SAMTOR: variants seen among roughly 807,000 people sequenced by gnomAD.
SAMTOR encodes S-adenosylmethionine sensor upstream of mTORC1, also known as UPF0532 protein C7orf60.
chr7:112,907,217 T>C, the SAMTOR span, among the ~76,000 whole-genome samples: 1 of 152,124 alleles, frequency 6.6e-6, no homozygotes, highest in Non-Finnish European at 1.5e-5. Flanking sequence ...ATCATGTAAG[T>C]GTCATATCAA....
chr7:112,907,684 ACTC>A, the SAMTOR span, among the ~76,000 whole-genome samples: 1 of 151,980 alleles, frequency 6.6e-6, no homozygotes, highest in Middle Eastern at 3.4e-3. Flanking sequence ...AAGGCAAATG[ACTC>A]CTAAATATAT....
the SAMTOR span, among the ~76,000 whole-genome samples, chr7:112,835,015 ATTC>A: frequency 1.3e-5 from 2 of 152,070 alleles, no homozygotes; most frequent in African/African-American, 2.4e-5. Context: ...TTTTATTGTT[ATTC>A]TTCTTGTGCC....
chr7:112,869,206 G>A, the SAMTOR span, among the ~76,000 whole-genome samples: 979 of 152,286 alleles, frequency 6.4e-3, 28 homozygotes, highest in Admixed American at 0.041. Context: ...GCACTGGGAC[G>A]AATGCGGCAG....
the SAMTOR span, among the ~76,000 whole-genome samples, chr7:112,848,109 T>C: frequency 6.6e-6 from 1 of 152,192 alleles, no homozygotes; most frequent in Admixed American, 6.5e-5. Context: ...GCTATGATCA[T>C]GCTACTGAGC....
At chr7:112,866,172 C>T in the SAMTOR span, among the ~76,000 whole-genome samples, 1 of 151,944 alleles carries the variant, frequency 6.6e-6, no homozygotes, top group Non-Finnish European at 1.5e-5. Flanking sequence ...AAATAAAATG[C>T]TTTATGAATT....
chr7:112,822,408 T>C, the SAMTOR span: 1 of 1,526,062 alleles, frequency 6.6e-7, no homozygotes, highest in Non-Finnish European at 8.8e-7. Context: ...ATTAAGAACT[T>C]CAAGATTATT....
the SAMTOR span, among the ~76,000 whole-genome samples, chr7:112,906,204 T>C: frequency 4.1e-4 from 63 of 152,334 alleles, no homozygotes; most frequent in African/African-American, 1.4e-3. Context: ...CTAGATGGTA[T>C]AGCCTACTAC....
chr7:112,864,804 G>T, the SAMTOR span, among the ~76,000 whole-genome samples: 1 of 151,962 alleles, frequency 6.6e-6, no homozygotes. Context: ...ACCTAGGCTC[G>T]AGTGCAGTGG....
chr7:112,870,615 T>C, the SAMTOR span, among the ~76,000 whole-genome samples: 1 of 152,000 alleles, frequency 6.6e-6, no homozygotes. Flanking sequence ...ACAGATCCTA[T>C]AAAGCAACTA....
chr7:112,932,043 A>G, the SAMTOR span, among the ~76,000 whole-genome samples: 1 of 151,582 alleles, frequency 6.6e-6, no homozygotes, highest in Non-Finnish European at 1.5e-5. Context: ...TTCCTACCTC[A>G]GCCTCACAAG....
At chr7:112,936,005 G>A in the SAMTOR span, among the ~76,000 whole-genome samples, 1 of 152,046 alleles carries the variant, frequency 6.6e-6, no homozygotes, top group South Asian at 2.1e-4. Flanking sequence ...TTTGAAAAGC[G>A]AAACTAGTTT....
chr7:112,934,152 C>A, the SAMTOR span, among the ~76,000 whole-genome samples: 3 of 152,174 alleles, frequency 2.0e-5, no homozygotes, highest in Admixed American at 2.0e-4. Context: ...GCACAGCAGA[C>A]ACCCGATCCC....
the SAMTOR span, among the ~76,000 whole-genome samples, chr7:112,822,685 G>A: frequency 9.2e-5 from 14 of 152,072 alleles, no homozygotes; most frequent in East Asian, 2.5e-3. Flanking sequence ...GGAGTTTACA[G>A]GAATGACATT....
chr7:112,864,803 C>T, the SAMTOR span, among the ~76,000 whole-genome samples: 7 of 152,122 alleles, frequency 4.6e-5, no homozygotes, highest in African/African-American at 4.8e-5. Flanking sequence ...CACCTAGGCT[C>T]GAGTGCAGTG....
the SAMTOR span, among the ~76,000 whole-genome samples, chr7:112,828,850 T>C: frequency 6.6e-6 from 1 of 152,222 alleles, no homozygotes; most frequent in Admixed American, 6.5e-5. Flanking sequence ...ATCTTCATTT[T>C]TGAAAGACAT....
chr7:112,925,794 C>CA, the SAMTOR span, among the ~76,000 whole-genome samples: 18 of 107,902 alleles, frequency 1.7e-4, no homozygotes, highest in African/African-American at 4.7e-4. Flanking sequence ...AGCTCTGTCT[C>CA]AAAAAAAAAA....
the SAMTOR span, among the ~76,000 whole-genome samples, chr7:112,875,141 C>T: frequency 2.0e-5 from 3 of 152,282 alleles, no homozygotes; most frequent in African/African-American, 7.2e-5. Flanking sequence ...CCTCATTACC[C>T]TGTGCTTATA....
chr7:112,921,548 A>G, the SAMTOR span, among the ~76,000 whole-genome samples: 14 of 148,834 alleles, frequency 9.4e-5, no homozygotes, highest in African/African-American at 3.0e-4. Flanking sequence ...CAAGGACTTC[A>G]TGTCTAAAAC....
At chr7:112,833,714 A>T in the SAMTOR span, among the ~76,000 whole-genome samples, 1 of 152,226 alleles carries the variant, frequency 6.6e-6, no homozygotes, top group Admixed American at 6.5e-5. Context: ...TTACTTCAAC[A>T]TTATGGAACA....
Sources: allele counts gnomAD v4.1 joint callset (sites outside exome capture counted in the v4.1 genomes callset), GRCh38; gene constraint gnomAD v4.1.1; transcripts MANE v1.5; gene names NCBI Gene and HGNC (gene_info 2026-07-23, HGNC 2026-07-21).